OR51B5: variants seen among roughly 807,000 people sequenced by gnomAD.
The protein encoded by OR51B5 is olfactory receptor 51B5.
For missense variants in OR51B5, 456 were observed against 374.6 expected, an observed-to-expected ratio of 1.22 and a Z score of -1.79; for synonymous variants, 186 against 144.8, an observed-to-expected ratio of 1.28 and a Z score of -2.04.
intron 1 of OR51B5, among the ~76,000 whole-genome samples, chr11:5,386,957 T>C (rs1564796060): frequency 1.3e-5 from 2 of 152,110 alleles, no homozygotes. Flanking sequence ...TTAGACGTGT[T>C]GAGTTTCATC....
chr11:5,416,965 G>A (rs11037375), intron 1 of OR51B5, among the ~76,000 whole-genome samples: 114,940 of 141,282 alleles, frequency 0.81, 47,557 homozygotes, highest in Non-Finnish European at 0.89. Context: ...AGCCCGCATC[G>A]CCAAGTCAAT....
intron 1 of OR51B5, among the ~76,000 whole-genome samples, chr11:5,417,742 T>G (rs1280988980): frequency 1.3e-5 from 2 of 150,544 alleles, no homozygotes; most frequent in Non-Finnish European, 3.0e-5. Context: ...TCACACCAGT[T>G]AGAATGGCAA....
chr11:5,387,881 C>T (rs1849723810), intron 1 of OR51B5, among the ~76,000 whole-genome samples: 1 of 151,630 alleles, frequency 6.6e-6, no homozygotes, highest in Admixed American at 6.6e-5. Flanking sequence ...TATTGCATTA[C>T]ATTACCTTGC....
intron 1 of OR51B5, among the ~76,000 whole-genome samples, chr11:5,497,528 A>G (rs762886957): frequency 6.6e-6 from 1 of 152,210 alleles, no homozygotes; most frequent in Admixed American, 6.5e-5. Flanking sequence ...GAGGGTATCC[A>G]TCAGAACACT....
chr11:5,354,420 C>T (rs1276088446), intron 1 of OR51B5, among the ~76,000 whole-genome samples: 1 of 152,186 alleles, frequency 6.6e-6, no homozygotes, highest in Non-Finnish European at 1.5e-5. Context: ...GAGTTTCTCT[C>T]CTCCCTTTCT....
intron 1 of OR51B5, chr11:5,352,340 ACTTC>A: frequency 6.2e-7 from 1 of 1,613,806 alleles, no homozygotes; most frequent in Non-Finnish European, 8.5e-7. Flanking sequence ...AGCTACATCC[ACTTC>A]CTTTTCCCAC....
chr11:5,421,834 T>G (rs150425487), intron 1 of OR51B5, among the ~76,000 whole-genome samples: 3 of 152,216 alleles, frequency 2.0e-5, no homozygotes, highest in Non-Finnish European at 4.4e-5. Flanking sequence ...ATTTATACAA[T>G]AGAGTTCATT....
At chr11:5,362,062 T>A (rs1010683888) in intron 1 of OR51B5, among the ~76,000 whole-genome samples, 6 of 152,250 alleles carry the variant, frequency 3.9e-5, no homozygotes, top group African/African-American at 1.2e-4. Flanking sequence ...AATTGCTGCA[T>A]ATTCCCAGAA....
At chr11:5,411,091 A>C (rs1341705846) in intron 1 of OR51B5, among the ~76,000 whole-genome samples, 5 of 152,214 alleles carry the variant, frequency 3.3e-5, no homozygotes, top group Non-Finnish European at 7.3e-5. Flanking sequence ...CCATAATAGC[A>C]AACAGTAATG....
At chr11:5,392,089 A>T (rs558393651) in intron 1 of OR51B5, 1 of 152,256 alleles carries the variant, frequency 6.6e-6, no homozygotes, top group South Asian at 2.1e-4. Flanking sequence ...AAACAAAATT[A>T]CAAAGCGAAA....
chr11:5,395,473 G>A (rs921206833), intron 1 of OR51B5, among the ~76,000 whole-genome samples: 1 of 152,074 alleles, frequency 6.6e-6, no homozygotes, highest in Non-Finnish European at 1.5e-5. Flanking sequence ...CCAATCTGTT[G>A]TTAGGGCTGC....
At chr11:5,505,644 C>A in exon 1 of OR51B5, 1 of 389,446 alleles carries the variant, frequency 2.6e-6, no homozygotes, top group Non-Finnish European at 4.4e-6. Context: ...TGGCAGCAGG[C>A]AAAAAGAGAG....
chr11:5,381,781 C>A (rs1230543051), intron 1 of OR51B5, among the ~76,000 whole-genome samples: 1 of 152,166 alleles, frequency 6.6e-6, no homozygotes, highest in East Asian at 1.9e-4. Flanking sequence ...TGAGTTCTTT[C>A]ATTTGGTTTT....
At chr11:5,446,750 A>G (rs1185966369) in intron 1 of OR51B5, among the ~76,000 whole-genome samples, 1 of 152,206 alleles carries the variant, frequency 6.6e-6, no homozygotes, top group Non-Finnish European at 1.5e-5. Context: ...TTCTTCCCCC[A>G]CAGGACTCTC....
At chr11:5,454,122 T>C (rs1850910627) in intron 1 of OR51B5, 2 of 1,614,138 alleles carry the variant, frequency 1.2e-6, no homozygotes, top group Non-Finnish European at 1.7e-6. Flanking sequence ...CATGGACCTG[T>C]TTTTTATCTT....
At chr11:5,499,977 A>C (rs1290935646) in intron 1 of OR51B5, among the ~76,000 whole-genome samples, 2 of 152,214 alleles carry the variant, frequency 1.3e-5, no homozygotes, top group African/African-American at 4.8e-5. Context: ...ATTGCCTTTT[A>C]TTTTGGCAAA....
intron 1 of OR51B5, chr11:5,352,223 G>C (rs145516485): frequency 3.1e-6 from 5 of 1,614,160 alleles, no homozygotes; most frequent in South Asian, 1.1e-5. Flanking sequence ...CTCAACACAT[G>C]TGTCTCTCAT....
At chr11:5,385,658 A>G (rs1011359486) in intron 1 of OR51B5, among the ~76,000 whole-genome samples, 6 of 151,480 alleles carry the variant, frequency 4.0e-5, no homozygotes, top group African/African-American at 1.2e-4. Context: ...CTAAACATGT[A>G]TAATAAAGAA....
At chr11:5,464,299 T>A (rs1851099843) in intron 1 of OR51B5, among the ~76,000 whole-genome samples, 2 of 152,248 alleles carry the variant, frequency 1.3e-5, no homozygotes, top group African/African-American at 4.8e-5. Flanking sequence ...GATAATTTTT[T>A]AATTATACTT....
Sources: gnomAD v4.1 joint callset for allele counts (sites outside exome capture counted in the v4.1 genomes callset) on GRCh38, gnomAD v4.1.1 for gene constraint, MANE v1.5 for transcripts, NCBI Gene and HGNC (gene_info 2026-07-23, HGNC 2026-07-21) for gene names.